Variants in CYGB observed in about 807,000 individuals in gnomAD.
The protein encoded by CYGB is histoglobin.
Under a neutral mutation model 20.7 loss-of-function variants are expected in CYGB, and 13 were observed. That is an observed-to-expected ratio of 0.63 (90% confidence interval 0.41 to 1.00). The LOEUF is 1.00. CYGB is among the 50% of genes least tolerant of loss of function. The pLI, the probability that CYGB is intolerant of heterozygous loss-of-function variation, is 0.00. For missense variants in CYGB, 218 were observed against 257.2 expected, an observed-to-expected ratio of 0.85 and a Z score of 1.04; for synonymous variants, 93 against 107.4, an observed-to-expected ratio of 0.87 and a Z score of 0.83.
At position 76,545,268 on chromosome 17, in the gene CYGB, C is replaced by T. The variant is rs77404579; in HGVS notation, c.-53+5594G>A. The T allele has an allele frequency of 2.1e-3, 981 of 456,792 alleles. 9 individuals are homozygous for T. Among genetic ancestry groups the T allele is most frequent in the African/African-American group, 0.018 (880 of 50,216 alleles). 28.3% of individuals were successfully genotyped at this position (456,792 alleles called of 1,614,324 possible). On this transcript the variant is annotated intron_variant, in intron 1 of 3. Coordinates refer to the CYGB transcript ENST00000589145. ...CTCCCCACAGAAGGCTCCTGGGACC[C>T]GGGTGCCCCTTCCTTGGCCCACTGG...
At chr17:76,542,536 T>C (rs746010185), upstream of CYGB, 8 of 1,614,194 alleles carry the variant, frequency 5.0e-6, no homozygotes, top group Non-Finnish European at 5.9e-6. Context: ...CTGACCCCAG[T>C]GCTTTCCTCT....
Position 76,528,184 on chromosome 17 carries a change from T to C in CYGB, c.*394A>G. 1 of 397,292 alleles carries C rather than the reference T, an allele frequency of 2.5e-6. No individual in the cohort carries two copies. The highest frequency in any genetic ancestry group is 4.4e-6 in the Non-Finnish European group (1 of 226,052). 24.6% of individuals were successfully genotyped at this position (397,292 alleles called of 1,614,324 possible). A position where few individuals can be genotyped will look rare whatever the true frequency, so the allele number is the denominator to read the frequency against. ...ATATAGAATATATCTGTATATATGGTAGATGTGTGCGTGATACTCTAGATG... is the reference window on the plus strand; with the variant it reads ...ATATAGAATATATCTGTATATATGGCAGATGTGTGCGTGATACTCTAGATG... On this transcript the variant is annotated 3_prime_UTR_variant, in exon 4 of 4. Coordinates refer to ENST00000293230, the MANE Select transcript of CYGB (RefSeq NM_134268.5). The surrounding 1 kb of genome is among the most constrained non-coding windows in gnomAD (Gnocchi z 5.8).
chr17:76,540,252 G>GGGC, upstream of CYGB: 14 of 925,446 alleles, frequency 1.5e-5, 1 homozygote, highest in Non-Finnish European at 2.1e-5. The surrounding 1 kb of genome is among the most constrained non-coding windows in gnomAD (Gnocchi z 5.0). Context: ...GCGGTTGGTC[G>GGGC]GGGGGGGGGG....
intron 3 of CYGB, chr17:76,529,949 T>C (rs975822662): frequency 4.1e-6 from 4 of 985,074 alleles, no homozygotes; most frequent in Admixed American, 6.1e-5. Flanking sequence ...GGGGCCAGTG[T>C]GGTCAGCAGC....
chr17:76,540,194 G>T (rs771143178), upstream of CYGB: 2 of 1,485,418 alleles, frequency 1.3e-6, no homozygotes, highest in East Asian at 2.8e-5. This position sits in a 1 kb window ranked among gnomAD's most constrained non-coding sequence, Gnocchi z 5.0. Context: ...TGGCGCCGCC[G>T]ATTTGCCAAC....
rs2074822076 is a variant in CYGB, at chr17:76,530,370, C to T, written c.539+609G>A. On this transcript the variant is annotated intron_variant, in intron 3 of 3. Transcript: ENST00000293230. The surrounding 1 kb of genome is among the most constrained non-coding windows in gnomAD (Gnocchi z 6.1). ...GGCGGCCACCCTCCTTGAGCCACCTCCTGGGCCCAGAACTGGAAGCCCAGC... is the reference window on the plus strand; with the variant it reads ...GGCGGCCACCCTCCTTGAGCCACCTTCTGGGCCCAGAACTGGAAGCCCAGC... 6.6e-6 allele frequency among the ~76,000 whole-genome samples: 1 copy of T among 152,156 alleles called. No individual in the cohort carries two copies. The highest frequency in any genetic ancestry group is 1.5e-5 in the Non-Finnish European group (1 of 68,028).
rs750746246 is a variant in CYGB, at chr17:76,527,702, G to C, written c.*876C>G. On this transcript the variant is annotated 3_prime_UTR_variant, in exon 4 of 4. Coordinates refer to ENST00000293230, the MANE Select transcript of CYGB (RefSeq NM_134268.5). ...CGCCGACCTGCTGCCCAGCAGCCCGGATCCCCCGGGGCTGCCCTGGTGGCC... is the reference window on the plus strand; with the variant it reads ...CGCCGACCTGCTGCCCAGCAGCCCGCATCCCCCGGGGCTGCCCTGGTGGCC... The C allele has an allele frequency of 2.2e-5, 10 of 453,914 alleles. No individual in the cohort carries two copies. Among genetic ancestry groups the C allele is most frequent in the South Asian group, 1.4e-4 (9 of 64,480 alleles). 28.1% of individuals were successfully genotyped at this position (453,914 alleles called of 1,614,324 possible).
At position 76,527,429 on chromosome 17, in the gene CYGB, G is replaced by C. The variant is rs1247989147; in HGVS notation, c.*1149C>G. 3 of 365,120 alleles carry C rather than the reference G, an allele frequency of 8.2e-6. No individual in the cohort carries two copies. Among genetic ancestry groups the C allele is most frequent in the South Asian group, 6.1e-5 (3 of 48,836 alleles). 22.6% of individuals were successfully genotyped at this position (365,120 alleles called of 1,614,324 possible). A position where few individuals can be genotyped will look rare whatever the true frequency, so the allele number is the denominator to read the frequency against. ...ACATCAGAAACTAGAAAAGGAGGAC[G>C]GGCGGTTGCACAGATGAGGATGAGG... On this transcript the variant is annotated 3_prime_UTR_variant, in exon 4 of 4. Transcript: ENST00000293230.
chr17:76,537,631 G>A lies in CYGB; in HGVS notation c.-89C>T. ...GCGCGGGGCGCCGGGAGCCGGGGCC[G>A]GCTGCGTGCGCGGCGGGCGGGCGAG... On this transcript the variant is annotated 5_prime_UTR_variant, in exon 1 of 4. Coordinates refer to ENST00000293230, the MANE Select transcript of CYGB (RefSeq NM_134268.5). 2.1e-6 allele frequency: 2 copies of A among 972,740 alleles called. No individual in the cohort carries two copies. The highest frequency in any genetic ancestry group is 2.4e-6 in the Non-Finnish European group (2 of 820,204). The allele number at this position is 972,740 out of a possible 1,614,324, so 60.3% of individuals were successfully genotyped here.
intron 1 of CYGB, among the ~76,000 whole-genome samples, chr17:76,549,626 G>A (rs1168852240): frequency 6.6e-6 from 1 of 152,206 alleles, no homozygotes; most frequent in Non-Finnish European, 1.5e-5. Context: ...CTGCAAAGAT[G>A]TTCATGGCAG....
rs1235090770 is a variant in CYGB at position 76,528,061 on chromosome 17, A to G, written c.*517T>C. ...CGGAACCCCTCCCTGCCCCACTCAC[A>G]GGTGGGCCAAACCGAGGCTTCTGGG... On this transcript the variant is annotated 3_prime_UTR_variant, in exon 4 of 4. Coordinates refer to ENST00000293230, the MANE Select transcript of CYGB (RefSeq NM_134268.5). This position sits in a 1 kb window ranked among gnomAD's most constrained non-coding sequence, Gnocchi z 5.8. 8.2e-6 allele frequency: 3 copies of G among 365,738 alleles called. No individual in the cohort carries two copies. The highest frequency in any genetic ancestry group is 1.5e-5 in the Non-Finnish European group (3 of 193,560). 22.7% of individuals were successfully genotyped at this position (365,738 alleles called of 1,614,324 possible).
In CYGB at chr17:76,528,975, G is replaced by T; in HGVS notation, c.540-364C>A. On this transcript the variant is annotated intron_variant, in intron 3 of 3. Transcript: ENST00000293230. This position sits in a 1 kb window ranked among gnomAD's most constrained non-coding sequence, Gnocchi z 5.8. ...TGGCGCATTCTGTCCGGCCTGTCTC[G>T]TCCCTCCTCGGGCCACCCATCTGTA... 2 of 1,026,784 alleles carry T rather than the reference G, an allele frequency of 1.9e-6. No individual in the cohort carries two copies. Among genetic ancestry groups the T allele is most frequent in the Non-Finnish European group, 2.3e-6 (2 of 857,484 alleles). The allele number at this position is 1,026,784 out of a possible 1,614,324, so 63.6% of individuals were successfully genotyped here.
upstream of CYGB, chr17:76,540,462 G>A (rs2074977603): frequency 1.9e-6 from 3 of 1,603,216 alleles, no homozygotes; most frequent in East Asian, 6.7e-5. The surrounding 1 kb of genome is among the most constrained non-coding windows in gnomAD (Gnocchi z 5.0). Context: ...GTGAGGGGCT[G>A]GGCACAGCCA....
Position 76,527,505 on chromosome 17 carries a change from G to A in CYGB, c.*1073C>T. Reference sequence around the variant, plus strand: ...AGGAGGGGACACAGCAGGAGCCACAGCAGCAAAACATCCTTGAAGACGACA... The same window carrying A: ...AGGAGGGGACACAGCAGGAGCCACAACAGCAAAACATCCTTGAAGACGACA... On this transcript the variant is annotated 3_prime_UTR_variant, in exon 4 of 4. Coordinates refer to ENST00000293230, the MANE Select transcript of CYGB (RefSeq NM_134268.5). 1 of 422,964 alleles carries A rather than the reference G, an allele frequency of 2.4e-6. No individual in the cohort carries two copies. Among genetic ancestry groups the A allele is most frequent in the Non-Finnish European group, 4.8e-6 (1 of 207,566 alleles). The allele number at this position is 422,964 out of a possible 1,614,324, so 26.2% of individuals were successfully genotyped here.
upstream of CYGB, chr17:76,540,371 C>A: frequency 7.8e-7 from 1 of 1,288,928 alleles, no homozygotes; most frequent in Non-Finnish European, 1.1e-6. This position sits in a 1 kb window ranked among gnomAD's most constrained non-coding sequence, Gnocchi z 5.0. Flanking sequence ...AGTCTCAGAG[C>A]AGGGGGACTT....
chr17:76,537,326 G>A, intron 1 of CYGB, 74 bp downstream of exon 1: 1 of 1,444,372 alleles, frequency 6.9e-7, no homozygotes, highest in Non-Finnish European at 9.1e-7. Context: ...CTCGGACCCG[G>A]GCCCAGCCCT....
chr17:76,540,426 A>G (rs763273515), upstream of CYGB: 138 of 1,500,880 alleles, frequency 9.2e-5, 1 homozygote, highest in South Asian at 1.1e-4. This position sits in a 1 kb window ranked among gnomAD's most constrained non-coding sequence, Gnocchi z 5.0. Context: ...CCATAGCCCA[A>G]TGCGGCCTGG....
At chr17:76,535,764 G>A (rs190696835) in intron 1 of CYGB, among the ~76,000 whole-genome samples, 1 of 152,216 alleles carries the variant, frequency 6.6e-6, no homozygotes, top group Non-Finnish European at 1.5e-5. Context: ...TTCTCCCTTG[G>A]CATCTGCCCT....
In CYGB at chr17:76,531,216, C is replaced by T; in HGVS notation, c.376-74G>A. 1 of 1,463,478 alleles carries T rather than the reference C, an allele frequency of 6.8e-7. No homozygotes were observed. The highest frequency in any genetic ancestry group is 9.3e-7 in the Non-Finnish European group (1 of 1,069,596). 90.7% of individuals were successfully genotyped at this position (1,463,478 alleles called of 1,614,324 possible). A position where few individuals can be genotyped will look rare whatever the true frequency, so the allele number is the denominator to read the frequency against. The stretch of plus-strand genomic sequence containing the variant: ...CCTGCAACCCCCAGGCCCCTCCGCC[C>T]CACGTGTGGCCGAGAGGATCATTCC... On this transcript the variant is annotated intron_variant, in intron 2 of 3. Coordinates refer to ENST00000293230, the MANE Select transcript of CYGB (RefSeq NM_134268.5). This position sits in a 1 kb window ranked among gnomAD's most constrained non-coding sequence, Gnocchi z 7.4.
Sources: gnomAD v4.1 joint callset for allele counts (sites outside exome capture counted in the v4.1 genomes callset) on GRCh38, gnomAD v4.1.1 for gene constraint, Gnocchi (gnomAD v3.1) non-coding constraint, MANE v1.5 for transcripts, NCBI Gene and HGNC (gene_info 2026-07-23, HGNC 2026-07-21) for gene names.